The following MUC6 variants were observed in gnomAD, a reference collection of about 807,000 sequenced individuals.
MUC6 encodes the protein mucin-6.
MUC6 carries 188 observed loss-of-function variants against 201.5 expected under a neutral mutation model. The observed-to-expected ratio is 0.93, with a 90% CI of 0.83 to 1.05. MUC6 has a LOEUF of 1.05. Among genes scored for constraint, MUC6 ranks in the 50% least tolerant of loss-of-function variants. The pLI is 0.00. For synonymous variants in MUC6, 1,228 were observed against 1,389.4 expected (o/e 0.88, Z 2.58); for missense variants, 2,706 against 3,256.9 (o/e 0.83, Z 4.12).
Position 1,018,505 on chromosome 11 carries a change from G to A in MUC6, c.4296C>T (p.Thr1432=), listed in dbSNP as rs368974794. 61 of 1,598,822 alleles carry A rather than the reference G, an allele frequency of 3.8e-5. No homozygotes were observed. Among genetic ancestry groups the A allele is most frequent in the Non-Finnish European group, 4.9e-5 (57 of 1,170,566 alleles). ...TCTCAGGGTGTGATGGGGTTGGATAGGTAGTGGTGGCATGGAAAGATGTTG... is the reference window on the plus strand; with the variant it reads ...TCTCAGGGTGTGATGGGGTTGGATAAGTAGTGGTGGCATGGAAAGATGTTG... ...VTATSFHATT[T]YPTPSHPETT... The change falls in exon 31 of 33, where the codon ACC becomes ACT. Residue 1432 remains threonine (T), a synonymous_variant. Coordinates refer to ENST00000421673, the MANE Select transcript of MUC6 (RefSeq NM_005961.3).
At position 1,027,816 on chromosome 11, in the gene MUC6, C is replaced by G. The variant is rs762972317; in HGVS notation, c.1850G>C (p.Arg617Thr). The G allele has an allele frequency of 2.7e-5, 43 of 1,609,210 alleles. 1 individual carries two copies. Among genetic ancestry groups the G allele is most frequent in the Non-Finnish European group, 1.7e-6 (2 of 1,179,212 alleles). Residue 617 changes from arginine to threonine, a missense_variant and splice_region_variant, in exon 16 of 33, where the codon AGG (arginine) becomes ACG (threonine). Transcript: ENST00000421673. ...GTAGTTGCAGGCCTGGTACACGCAC[C>G]TCTGCGGGCAGAGAGCCAGCATGGG... ...ATVNPAPFYK[R>T]CVYQACNYEE...
chr11:1,023,859 G>A, intron 25 of MUC6, 88 bp downstream of exon 25: 2 of 1,512,526 alleles, frequency 1.3e-6, no homozygotes, highest in South Asian at 2.5e-5. Flanking sequence ...AGGGAGAGGG[G>A]CCTGTGGGCA....
Position 1,016,370 on chromosome 11 carries a change from TAAG to T in MUC6, c.6428_6430del (p.Ser2143del). 1 of 1,611,768 alleles carries T rather than the reference TAAG, an allele frequency of 6.2e-7. No homozygotes were observed. The stretch of plus-strand genomic sequence containing the variant: ...GGGAGAGGAGTGGGAGGAGGGCACA[TAAG>T]AAGAAACAGTAGAGGGGGCAGAAGG... On this transcript the variant is annotated inframe_deletion, in exon 31 of 33. Transcript: ENST00000421673.
intron 26 of MUC6, among the ~76,000 whole-genome samples, chr11:1,022,852 T>C (rs1322874879): frequency 3.3e-5 from 5 of 151,846 alleles, no homozygotes; most frequent in African/African-American, 9.7e-5. Context: ...TGAATGAATA[T>C]GTGTGAATGA....
intron 25 of MUC6, 51 bp downstream of exon 25, chr11:1,023,896 G>A: frequency 1.3e-6 from 2 of 1,592,208 alleles, no homozygotes; most frequent in Non-Finnish European, 1.7e-6. Flanking sequence ...GGCCCTTAGT[G>A]GCGCTGGGTG....
At position 1,024,119 on chromosome 11, in the gene MUC6, CCA is replaced by C. The variant is rs1422407671; in HGVS notation, c.3226-18_3226-17del. ...GGTGGTATACCTGCAGGGGTGTGTG[CCA>C]GTCAGTGTCTGGCTGCCGGGGGATG... is the stretch of plus-strand genomic sequence containing the variant. On this transcript the variant is annotated splice_polypyrimidine_tract_variant and intron_variant, in intron 24 of 32. Coordinates refer to ENST00000421673, the MANE Select transcript of MUC6 (RefSeq NM_005961.3). 6.2e-7 allele frequency: 1 copy of C among 1,607,438 alleles called. No individual in the cohort carries two copies. The highest frequency in any genetic ancestry group is 8.5e-7 in the Non-Finnish European group (1 of 1,177,246).
rs1856775232 is a variant in MUC6 at position 1,020,169 on chromosome 11, A to G, written c.3729T>C (p.Asn1243=). 6.2e-7 allele frequency: 1 copy of G among 1,612,480 alleles called. No individual in the cohort carries two copies. The highest frequency in any genetic ancestry group is 1.1e-5 in the South Asian group (1 of 90,992). ...TCTGGGTGGGGCTGGCAGGGGTGTG[A>G]TTAGAGCTGGGTGAGGGTCCGGTGG... The part of the protein sequence containing the change: ...LSSTGPSPSS[N]HTPASPTQTP... Residue 1243 remains asparagine (N), a synonymous_variant, in exon 29 of 33, where the codon AAT becomes AAC. Coordinates refer to ENST00000421673, the MANE Select transcript of MUC6 (RefSeq NM_005961.3).
chr11:1,022,183 C>T (rs569685365), intron 26 of MUC6, among the ~76,000 whole-genome samples: 45 of 148,834 alleles, frequency 3.0e-4, no homozygotes, highest in African/African-American at 8.7e-4. Context: ...CCTCTACAGC[C>T]CCGCGCCCCT....
At position 1,027,198 on chromosome 11, in the gene MUC6, A is replaced by C. The variant is rs760154867; in HGVS notation, c.2232-5T>G. The C allele has an allele frequency of 2.5e-6, 4 of 1,612,164 alleles. No homozygotes were observed. The highest frequency in any genetic ancestry group is 1.7e-5 in the Admixed American group (1 of 59,994). On this transcript the variant is annotated splice_region_variant and splice_polypyrimidine_tract_variant and intron_variant, in intron 17 of 32. Transcript: ENST00000421673. ...AGCCGCCCGTTGATGCAGTGGCTGC[A>C]AGAGAGAGGCTGCGTGAGACCCCGG...
intron 19 of MUC6, 62 bp from the exon 20 acceptor site, chr11:1,026,540 TG>T: frequency 6.8e-7 from 1 of 1,465,202 alleles, no homozygotes. Flanking sequence ...TGCCCAGCCC[TG>T]GGCCCCTCTG....
intron 22 of MUC6, 63 bp downstream of exon 22, chr11:1,025,742 C>T (rs1412543925): frequency 2.1e-6 from 3 of 1,441,664 alleles, no homozygotes; most frequent in Non-Finnish European, 2.9e-6. Flanking sequence ...GCGCGGGATC[C>T]AGCTGTGTGG....
In MUC6 at chr11:1,019,343, G is replaced by A. The variant is rs1271946169; in HGVS notation, c.3962C>T (p.Ala1321Val). ...CATTGTGGTCCGTGTTGTGGACTGAGCTGTGGACGTCGTGGCTGGGCTGGC... is the reference window on the plus strand; with the variant it reads ...CATTGTGGTCCGTGTTGTGGACTGAACTGTGGACGTCGTGGCTGGGCTGGC... Reference protein sequence around the residue: ...STASPATTSTAQSTTRTTMTL... With the variant: ...STASPATTSTVQSTTRTTMTL... The change falls in exon 30 of 33, where the codon GCT (alanine) becomes GTT (valine). Residue 1321 changes from alanine (A) to valine (V), a missense_variant. Ala to Val is a moderately conservative substitution (Grantham distance 64). Coordinates refer to ENST00000421673, the MANE Select transcript of MUC6 (RefSeq NM_005961.3). 6.2e-7 allele frequency: 1 copy of A among 1,613,948 alleles called. No individual in the cohort carries two copies.
In MUC6 at chr11:1,033,787, C is replaced by T. The variant is rs560417428; in HGVS notation, c.53-712G>A. On this transcript the variant is annotated intron_variant, in intron 1 of 32. Transcript: ENST00000421673. This position sits in a 1 kb window ranked among gnomAD's most constrained non-coding sequence, Gnocchi z 5.6. The stretch of plus-strand genomic sequence containing the variant: ...CTTTTCCCACCTCTGGGTAACTCCC[C>T]GGACCCTGCCTCCGAGACTATGACC... 8.5e-4 allele frequency among the ~76,000 whole-genome samples: 130 copies of T among 152,196 alleles called. No individual in the cohort carries two copies. In the Middle Eastern group the frequency reaches 0.01, roughly 12 times the overall value.
chr11:1,032,546 G>A (rs1857132093), intron 2 of MUC6, among the ~76,000 whole-genome samples: 2 of 151,534 alleles, frequency 1.3e-5, no homozygotes, highest in Admixed American at 6.6e-5. Flanking sequence ...CAGGTGTGTA[G>A]GGTGTGTACA....
chr11:1,027,592 G>A (rs1856995691), intron 16 of MUC6, 75 bp from the exon 17 acceptor site: 6 of 1,594,062 alleles, frequency 3.8e-6, no homozygotes, highest in East Asian at 2.3e-5. Context: ...CCTGCCTGCC[G>A]GGCACTGCAG....
rs189310501 is a variant in MUC6 at position 1,014,792 on chromosome 11, C to A, written c.7040-791G>T. Among the ~76,000 whole-genome samples the A allele has an allele frequency of 1.2e-4, 19 of 152,270 alleles. No homozygotes were observed. The South Asian group carries it at 3.7e-3, about 30-fold the overall frequency. On this transcript the variant is annotated intron_variant, in intron 31 of 32. Coordinates refer to ENST00000421673, the MANE Select transcript of MUC6 (RefSeq NM_005961.3). Reference sequence around the variant, plus strand: ...CTACCTGCCCGCTGCAGAGGGCTTTCTCCGGGAGGGTCAGGACTCTGGGTG... The same window carrying A: ...CTACCTGCCCGCTGCAGAGGGCTTTATCCGGGAGGGTCAGGACTCTGGGTG...
At chr11:1,024,219 G>T (rs1301370996) in intron 24 of MUC6, 116 bp from the exon 25 acceptor site, 2 of 1,252,012 alleles carry the variant, frequency 1.6e-6, no homozygotes, top group Non-Finnish European at 2.2e-6. Context: ...AAGGGCGCTG[G>T]GACTGGGTGA....
At chr11:1,032,352 CAT>C (rs1364714432) in intron 2 of MUC6, among the ~76,000 whole-genome samples, 3 of 151,656 alleles carry the variant, frequency 2.0e-5, no homozygotes, top group African/African-American at 7.3e-5. Flanking sequence ...CAGGTGTGTC[CAT>C]GTGTGCATTG....
chr11:1,033,377 C>T lies in MUC6; in HGVS notation c.53-302G>A, dbSNP rs1857155046. Among the ~76,000 whole-genome samples, 1 of 149,684 alleles carries T rather than the reference C, an allele frequency of 6.7e-6. No homozygotes were observed. Among genetic ancestry groups the T allele is most frequent in the Non-Finnish European group, 1.5e-5 (1 of 66,288 alleles). On this transcript the variant is annotated intron_variant, in intron 1 of 32. Transcript: ENST00000421673. The surrounding 1 kb of genome is among the most constrained non-coding windows in gnomAD (Gnocchi z 5.6). ...TGGCGGGCACCCTGTGTGCAGGGTA[C>T]TCATCCCTGGGGCTTCTGGGTGGGG...
Sources: gnomAD v4.1 joint callset for allele counts (sites outside exome capture counted in the v4.1 genomes callset) on GRCh38, gnomAD v4.1.1 for gene constraint, Gnocchi (gnomAD v3.1) non-coding constraint, MANE v1.5 for transcripts, NCBI Gene and HGNC (gene_info 2026-07-23, HGNC 2026-07-21) for gene names.